The following ST6GAL1 variants were observed in gnomAD, a reference collection of about 807,000 sequenced individuals.
ST6GAL1 encodes ST6 beta-galactoside alpha-2,6-sialyltransferase 1.
A neutral mutation model predicts 38.0 loss-of-function variants in ST6GAL1; 20 were observed. The observed-to-expected ratio is 0.53, with a 90% CI of 0.37 to 0.77. ST6GAL1 has a LOEUF of 0.77. Among genes scored for constraint, ST6GAL1 ranks in the 30% least tolerant of loss-of-function variants. ST6GAL1 has a pLI of 0.00. For missense variants in ST6GAL1, 432 were observed against 496.4 expected, an observed-to-expected ratio of 0.87 and a Z score of 1.23; for synonymous variants, 196 against 188.2, an observed-to-expected ratio of 1.04 and a Z score of -0.34.
At chr3:186,997,760 GAAAA>G (rs34450078) in intron 2 of ST6GAL1, among the ~76,000 whole-genome samples, 1 of 144,268 alleles carries the variant, frequency 6.9e-6, no homozygotes, top group Non-Finnish European at 1.5e-5. Flanking sequence ...GTCTCAAAAA[GAAAA>G]AAAAAAAAAG....
At chr3:187,037,483 T>C (rs1560171256) in intron 2 of ST6GAL1, among the ~76,000 whole-genome samples, 1 of 152,202 alleles carries the variant, frequency 6.6e-6, no homozygotes, top group Non-Finnish European at 1.5e-5. Context: ...ATGTTGAAAT[T>C]TTCTTGCAAC....
At chr3:186,931,227 G>C (rs922440609) in intron 1 of ST6GAL1, 5 of 50,548 alleles carry the variant, frequency 9.9e-5, no homozygotes, top group African/African-American at 3.7e-4. Flanking sequence ...GGCAGCGGAG[G>C]GGGCACAGGC....
intron 2 of ST6GAL1, among the ~76,000 whole-genome samples, chr3:187,026,226 C>G (rs1008164439): frequency 6.6e-6 from 1 of 152,210 alleles, no homozygotes. Flanking sequence ...AATGTTTTGA[C>G]AAATGATTAA....
chr3:187,074,347 G>C lies in ST6GAL1; in HGVS notation c.979+14G>C. 1 of 1,550,850 alleles carries C rather than the reference G, an allele frequency of 6.4e-7. No individual in the cohort carries two copies. Among genetic ancestry groups the C allele is most frequent in the Non-Finnish European group, 8.7e-7 (1 of 1,152,086 alleles). On this transcript the variant is annotated intron_variant, in intron 7 of 7. Transcript: ENST00000169298. ...CTGGGATGCTTGGTGAGTTCATGTC[G>C]GGGAAAAGACCTTGCATGTTTGTTT...
intron 1 of ST6GAL1, among the ~76,000 whole-genome samples, chr3:186,932,054 T>A (rs1435309702): frequency 4.6e-5 from 7 of 152,232 alleles, no homozygotes; most frequent in African/African-American, 1.7e-4. Context: ...TGAGCAGGAA[T>A]GGAGGCGCCG....
At chr3:186,945,670 T>C (rs928836507) in intron 1 of ST6GAL1, among the ~76,000 whole-genome samples, 1 of 152,048 alleles carries the variant, frequency 6.6e-6, no homozygotes, top group Non-Finnish European at 1.5e-5. Flanking sequence ...GAGGAGATGT[T>C]AAGTGCTAAC....
At chr3:187,053,417 T>C (rs1718582546) in intron 5 of ST6GAL1, among the ~76,000 whole-genome samples, 1 of 152,222 alleles carries the variant, frequency 6.6e-6, no homozygotes, top group African/African-American at 2.4e-5. Context: ...TCTTCCAGGG[T>C]TTTTATGGTT....
At chr3:186,992,198 A>G (rs1445986963) in intron 2 of ST6GAL1, among the ~76,000 whole-genome samples, 1 of 152,086 alleles carries the variant, frequency 6.6e-6, no homozygotes, top group Admixed American at 6.5e-5. Context: ...GACCAGGTGG[A>G]GGGAATTGAA....
intron 5 of ST6GAL1, among the ~76,000 whole-genome samples, chr3:187,061,922 A>G (rs1466609823): frequency 6.6e-6 from 1 of 152,230 alleles, no homozygotes; most frequent in Non-Finnish European, 1.5e-5. Flanking sequence ...TACTCTCAAC[A>G]GAGTAAAAAG....
intron 2 of ST6GAL1, among the ~76,000 whole-genome samples, chr3:186,966,860 T>C (rs1470692792): frequency 1.3e-5 from 2 of 152,282 alleles, no homozygotes; most frequent in Non-Finnish European, 2.9e-5. Context: ...AAGACAGATA[T>C]GCTTGCGTTT....
At chr3:187,034,346 G>A (rs1717856196) in intron 2 of ST6GAL1, among the ~76,000 whole-genome samples, 1 of 152,048 alleles carries the variant, frequency 6.6e-6, no homozygotes, top group Non-Finnish European at 1.5e-5. Flanking sequence ...GCTGGTACCA[G>A]TCCTACTGAA....
chr3:187,046,921 T>C (rs1209858279), intron 4 of ST6GAL1, among the ~76,000 whole-genome samples: 2 of 152,206 alleles, frequency 1.3e-5, no homozygotes, highest in African/African-American at 4.8e-5. Flanking sequence ...AAATGAGGGA[T>C]GCACCAGATT....
intron 1 of ST6GAL1, among the ~76,000 whole-genome samples, chr3:186,962,322 C>T (rs1047001627): frequency 6.6e-6 from 1 of 152,178 alleles, no homozygotes; most frequent in African/African-American, 2.4e-5. Context: ...CTCTTTCTCT[C>T]CTTACGAATT....
At chr3:186,970,497 A>G (rs1366917364) in intron 2 of ST6GAL1, among the ~76,000 whole-genome samples, 2 of 151,770 alleles carry the variant, frequency 1.3e-5, no homozygotes, top group Non-Finnish European at 2.9e-5. Context: ...TGCTGGGATT[A>G]TAGATGTGAG....
At chr3:187,004,992 G>C (rs776503598) in intron 2 of ST6GAL1, among the ~76,000 whole-genome samples, 1 of 152,056 alleles carries the variant, frequency 6.6e-6, no homozygotes, top group Admixed American at 6.6e-5. Context: ...CTCTCCCTAG[G>C]AGCTTCTAAG....
chr3:186,933,720 A>G (rs1353526037), intron 1 of ST6GAL1, among the ~76,000 whole-genome samples: 2 of 152,208 alleles, frequency 1.3e-5, no homozygotes, highest in Non-Finnish European at 2.9e-5. Flanking sequence ...TGCGTGGTCT[A>G]CTTTTAGTGC....
At chr3:187,006,602 G>A (rs913028463) in intron 2 of ST6GAL1, 2 of 152,044 alleles carry the variant, frequency 1.3e-5, no homozygotes, top group Non-Finnish European at 2.9e-5. Context: ...AATTCTATGT[G>A]GTAAGTATTA....
intron 2 of ST6GAL1, among the ~76,000 whole-genome samples, chr3:186,997,648 T>G (rs866791480): frequency 4.0e-5 from 6 of 151,634 alleles, no homozygotes; most frequent in Non-Finnish European, 5.9e-5. Context: ...TCACGGCTAC[T>G]CAGGAGGCTG....
At chr3:187,049,548 C>T (rs1029657127) in intron 4 of ST6GAL1, among the ~76,000 whole-genome samples, 3 of 152,216 alleles carry the variant, frequency 2.0e-5, no homozygotes, top group African/African-American at 7.2e-5. Context: ...CAGCTCCCGA[C>T]AGGTGTCCCT....
Sources: gnomAD v4.1 joint callset for allele counts (sites outside exome capture counted in the v4.1 genomes callset) on GRCh38, gnomAD v4.1.1 for gene constraint, MANE v1.5 for transcripts, NCBI Gene and HGNC (gene_info 2026-07-23, HGNC 2026-07-21) for gene names.